The following IRAK1BP1 variants were observed in gnomAD, a reference collection of about 807,000 sequenced individuals.
IRAK1BP1 encodes interleukin-1 receptor-associated kinase 1-binding protein 1.
A neutral mutation model predicts 28.0 loss-of-function variants in IRAK1BP1; 24 were observed. The observed-to-expected ratio is 0.86, with a 90% CI of 0.62 to 1.20. IRAK1BP1 has a LOEUF of 1.20. Ranked by LOEUF, IRAK1BP1 falls within the 50% of genes most tolerant of loss-of-function variation. The probability of loss-of-function intolerance (pLI) is 0.00; values close to 1 mark genes in which losing one functional copy is unlikely to be tolerated. For synonymous variants in IRAK1BP1, 131 were observed against 116.3 expected, an observed-to-expected ratio of 1.13 and a Z score of -0.81; for missense variants, 336 against 316.7, an observed-to-expected ratio of 1.06 and a Z score of -0.46.
intron 2 of IRAK1BP1, among the ~76,000 whole-genome samples, chr6:78,894,559 A>G (rs888335623): frequency 3.3e-5 from 5 of 152,198 alleles, no homozygotes; most frequent in Admixed American, 1.3e-4. Context: ...TAAAGCTTCA[A>G]AATACTTAAG....
downstream of IRAK1BP1, chr6:78,947,556 C>A: frequency 1.4e-6 from 1 of 729,368 alleles, no homozygotes; most frequent in Non-Finnish European, 2.2e-6. Flanking sequence ...AGTAAAGCAA[C>A]ATTTAGTCAT....
intron 1 of IRAK1BP1, among the ~76,000 whole-genome samples, chr6:78,874,760 T>C (rs1229698701): frequency 1.3e-5 from 2 of 152,352 alleles, no homozygotes; most frequent in East Asian, 3.9e-4. Context: ...TCCCAGTCCA[T>C]TTATTTAAAT....
chr6:78,964,399 T>C, the IRAK1BP1 span, among the ~76,000 whole-genome samples: 18 of 152,212 alleles, frequency 1.2e-4, no homozygotes, highest in Non-Finnish European at 1.8e-4. Context: ...AGCAACTCAA[T>C]TAATAAAAGA....
At position 78,867,820 on chromosome 6, in the gene IRAK1BP1, GC is replaced by G; in HGVS notation, c.246del (p.Glu83ArgfsTer10). 6.2e-7 allele frequency: 1 copy of G among 1,612,728 alleles called. No homozygotes were observed. The highest frequency in any genetic ancestry group is 2.2e-5 in the East Asian group (1 of 44,848). ...VRVSSTKEAA[A>X]EAKKSVCRRL... Reference sequence around the variant, plus strand: ...AGTGAGCAGCACCAAGGAGGCGGCAGCCGAGGCCAAAAAGAGCGTTTGTCGC... The same window carrying G: ...AGTGAGCAGCACCAAGGAGGCGGCAGCGAGGCCAAAAAGAGCGTTTGTCGC... On this transcript the variant is annotated frameshift_variant, in exon 1 of 4. Transcript: ENST00000369940. LOFTEE classifies it high-confidence loss of function.
chr6:78,868,300 A>G (rs1395552285), intron 1 of IRAK1BP1, among the ~76,000 whole-genome samples: 2 of 152,232 alleles, frequency 1.3e-5, no homozygotes, highest in African/African-American at 4.8e-5. Flanking sequence ...TGGAATTGGC[A>G]AGTGAAGAGC....
chr6:78,898,033 A>G, intron 3 of IRAK1BP1, 31 bp from the exon 4 acceptor site: 2 of 1,604,782 alleles, frequency 1.2e-6, no homozygotes, highest in Non-Finnish European at 1.7e-6. Context: ...ATTGAGTGTC[A>G]TATTAATAAT....
downstream of IRAK1BP1, among the ~76,000 whole-genome samples, chr6:78,949,444 T>C (rs2127685323): frequency 6.6e-6 from 1 of 152,236 alleles, no homozygotes; most frequent in East Asian, 1.9e-4. Flanking sequence ...CTGTTTTAAA[T>C]CATCTCAGAG....
intron 1 of IRAK1BP1, among the ~76,000 whole-genome samples, chr6:78,875,999 A>G (rs1214556759): frequency 7.2e-5 from 11 of 152,084 alleles, no homozygotes; most frequent in Admixed American, 7.2e-4. Context: ...TTTTATGGCT[A>G]TTGAGATTGT....
At chr6:78,916,581 C>A (rs982324942) in intron 4 of IRAK1BP1, among the ~76,000 whole-genome samples, 2 of 152,146 alleles carry the variant, frequency 1.3e-5, no homozygotes, top group Non-Finnish European at 2.9e-5. Context: ...GAATGCAGAA[C>A]AGTGCCTAAC....
At chr6:78,962,062 A>G in the IRAK1BP1 span, among the ~76,000 whole-genome samples, 2 of 152,146 alleles carry the variant, frequency 1.3e-5, no homozygotes, top group African/African-American at 4.8e-5. Flanking sequence ...AATTATATAT[A>G]CATATATCAG....
At chr6:78,887,994 A>G (rs750382657) in intron 2 of IRAK1BP1, among the ~76,000 whole-genome samples, 3 of 149,138 alleles carry the variant, frequency 2.0e-5, no homozygotes, top group East Asian at 4.0e-4. Flanking sequence ...AAAATGTGTT[A>G]TATACATACA....
the IRAK1BP1 span, chr6:78,958,432 AATT>A: frequency 8.3e-7 from 1 of 1,198,334 alleles, no homozygotes; most frequent in African/African-American, 1.5e-5. Context: ...TAGTGCCATT[AATT>A]ATTAAAACTA....
chr6:78,957,198 CA>C, the IRAK1BP1 span: 2 of 151,932 alleles, frequency 1.3e-5, no homozygotes, highest in Admixed American at 1.3e-4. Flanking sequence ...AATGTATTAA[CA>C]ATTTTCATCT....
At position 78,901,380 on chromosome 6, in the gene IRAK1BP1, T is replaced by A. The variant is rs1361705109; in HGVS notation, c.*3046T>A. 6.6e-6 allele frequency: 1 copy of A among 152,058 alleles called. No homozygotes were observed. The highest frequency in any genetic ancestry group is 2.4e-5 in the African/African-American group (1 of 41,434). The allele number at this position is 152,058 out of a possible 1,614,324, so 9.4% of individuals were successfully genotyped here. On this transcript the variant is annotated 3_prime_UTR_variant, in exon 4 of 4. Transcript: ENST00000369940. ...GTATACTAAAGGGTATCAAATTTAG[T>A]TGTCAGTTGATAGCAATTTAATTTC...
intron 1 of IRAK1BP1, among the ~76,000 whole-genome samples, chr6:78,879,908 A>G (rs891660372): frequency 1.3e-5 from 2 of 152,182 alleles, no homozygotes; most frequent in Non-Finnish European, 2.9e-5. Context: ...ATGACATACA[A>G]CCTTTAAGTA....
the IRAK1BP1 span, chr6:78,955,196 T>A: frequency 7.0e-7 from 1 of 1,432,786 alleles, no homozygotes; most frequent in East Asian, 2.3e-5. Flanking sequence ...TTTTAATTCA[T>A]ATAAAGTACT....
chr6:78,872,170 G>T (rs553569138), intron 1 of IRAK1BP1: 6 of 695,470 alleles, frequency 8.6e-6, no homozygotes, highest in Admixed American at 4.1e-5. Flanking sequence ...GAGTTTCTCT[G>T]CAGGATTAAA....
At position 78,898,318 on chromosome 6, in the gene IRAK1BP1, G is replaced by GA. The variant is rs746568929; in HGVS notation, c.773dup (p.His259AlafsTer23). The GA allele has an allele frequency of 6.5e-7, 1 of 1,548,286 alleles. No homozygotes were observed. The highest frequency in any genetic ancestry group is 1.4e-5 in the African/African-American group (1 of 71,716). On this transcript the variant is annotated frameshift_variant, in exon 4 of 4. Transcript: ENST00000369940. LOFTEE classifies it high-confidence loss of function. ...TTTGAGGTAAAGGGAAAAGAGAAGAGAAAAAAGCACCTTTGAAATTCCAAA... is the reference window on the plus strand; with the variant it reads ...TTTGAGGTAAAGGGAAAAGAGAAGAGAAAAAAAGCACCTTTGAAATTCCAAA...
chr6:78,950,003 A>C (rs1016544942), downstream of IRAK1BP1, among the ~76,000 whole-genome samples: 1 of 152,068 alleles, frequency 6.6e-6, no homozygotes, highest in Non-Finnish European at 1.5e-5. Flanking sequence ...ACTCGAGTAT[A>C]ATAAACTTTT....
Sources: gnomAD v4.1 joint callset for allele counts (sites outside exome capture counted in the v4.1 genomes callset) on GRCh38, gnomAD v4.1.1 for gene constraint, MANE v1.5 for transcripts, NCBI Gene and HGNC (gene_info 2026-07-23, HGNC 2026-07-21) for gene names.